RBFOX1: variants seen among roughly 807,000 people sequenced by gnomAD.
RBFOX1 encodes RNA binding protein fox-1 homolog 1.
RBFOX1 carries 8 observed loss-of-function variants against 57.7 expected under a neutral mutation model. The ratio of observed to expected loss-of-function variants is 0.14; its 90% confidence interval spans 0.08 to 0.25. RBFOX1 has a LOEUF of 0.25. RBFOX1 is among the 10% of genes least tolerant of loss of function. RBFOX1 has a pLI of 1.00. For missense variants in RBFOX1, 611 were observed against 548.5 expected (o/e 1.11, Z -1.14); for synonymous variants, 326 against 222.4 (o/e 1.47, Z -4.15).
intron 3 of RBFOX1, among the ~76,000 whole-genome samples, chr16:6,810,440 A>C (rs1364524939): frequency 6.6e-6 from 1 of 152,148 alleles, no homozygotes; most frequent in Non-Finnish European, 1.5e-5. Flanking sequence ...GATGACTAAA[A>C]AGATGGCGAC....
chr16:6,162,595 A>G (rs896979810), intron 1 of RBFOX1, among the ~76,000 whole-genome samples: 1 of 152,196 alleles, frequency 6.6e-6, no homozygotes, highest in Non-Finnish European at 1.5e-5. Context: ...TCACCCAACA[A>G]CAGTGGTAAC....
intron 4 of RBFOX1, among the ~76,000 whole-genome samples, chr16:7,450,545 T>C (rs2098843942): frequency 6.6e-6 from 1 of 152,048 alleles, no homozygotes; most frequent in African/African-American, 2.4e-5. Flanking sequence ...CAGATGAAGA[T>C]ACTATGGCCC....
At chr16:7,203,913 A>G (rs1386337691) in intron 4 of RBFOX1, among the ~76,000 whole-genome samples, 1 of 152,254 alleles carries the variant, frequency 6.6e-6, no homozygotes, top group Non-Finnish European at 1.5e-5. Flanking sequence ...CAAGAAGGAC[A>G]GGTGCACATT....
At position 6,086,670 on chromosome 16, in the gene RBFOX1, C is replaced by T. The variant is rs180741124; in HGVS notation, c.-127+66678C>T. On this transcript the variant is annotated intron_variant, in intron 1 of 15. Transcript: ENST00000550418. ...ATATCAGGGAGATGATTTACTGTTT[C>T]TCAATAAAAGATGGAGTTTTGAAGA... Among the ~76,000 whole-genome samples, 11 of 152,232 alleles carry T rather than the reference C, an allele frequency of 7.2e-5. No individual in the cohort carries two copies. In the East Asian group the frequency reaches 2.1e-3, roughly 29 times the overall value.
intron 3 of RBFOX1, among the ~76,000 whole-genome samples, chr16:6,813,618 C>A (rs1169180891): frequency 1.3e-5 from 2 of 152,174 alleles, no homozygotes; most frequent in Admixed American, 6.5e-5. Context: ...GGCTCAAAAT[C>A]AATCTGAAGA....
At chr16:5,956,963 C>T (rs1350724263) in intron 4 of RBFOX1, among the ~76,000 whole-genome samples, 1 of 151,880 alleles carries the variant, frequency 6.6e-6, no homozygotes, top group Non-Finnish European at 1.5e-5. Context: ...AGCCACTGCG[C>T]CCAGCCTGCA....
intron 3 of RBFOX1, among the ~76,000 whole-genome samples, chr16:6,697,236 G>A (rs1217833831): frequency 6.6e-6 from 1 of 152,170 alleles, no homozygotes; most frequent in Non-Finnish European, 1.5e-5. Context: ...GGTAGCTGCA[G>A]TAGTGGACCA....
intron 2 of RBFOX1, among the ~76,000 whole-genome samples, chr16:5,525,779 T>G (rs1251613276): frequency 1.3e-5 from 2 of 152,052 alleles, no homozygotes; most frequent in African/African-American, 4.8e-5. Context: ...AATACAGGGG[T>G]GAGCCACTGT....
chr16:7,120,751 C>G (rs747953609), intron 4 of RBFOX1, among the ~76,000 whole-genome samples: 66 of 146,474 alleles, frequency 4.5e-4, no homozygotes, highest in Non-Finnish European at 6.1e-4. Context: ...GGAAGATATA[C>G]TTCTCAACTC....
chr16:6,771,108 C>G (rs898572620), intron 3 of RBFOX1, among the ~76,000 whole-genome samples: 1 of 152,036 alleles, frequency 6.6e-6, no homozygotes, highest in Non-Finnish European at 1.5e-5. Flanking sequence ...AAGAAAAAAT[C>G]AGAACCCAGA....
At chr16:6,723,508 A>T (rs987933844) in intron 3 of RBFOX1, among the ~76,000 whole-genome samples, 9 of 152,154 alleles carry the variant, frequency 5.9e-5, no homozygotes, top group African/African-American at 2.2e-4. Flanking sequence ...ACAATTATAG[A>T]TTGTGTTTGT....
chr16:6,610,623 C>A (rs115857193), intron 2 of RBFOX1, among the ~76,000 whole-genome samples: 1,700 of 152,242 alleles, frequency 0.011, 33 homozygotes, highest in African/African-American at 0.038. Context: ...AACTACTACA[C>A]CCCACCCGAT....
At chr16:6,743,585 T>A (rs967705198) in intron 3 of RBFOX1, among the ~76,000 whole-genome samples, 1 of 151,592 alleles carries the variant, frequency 6.6e-6, no homozygotes. Flanking sequence ...GTACAAAAAA[T>A]TTAAAAATTG....
At chr16:5,843,213 G>A (rs1319433686) in intron 3 of RBFOX1, among the ~76,000 whole-genome samples, 1 of 152,134 alleles carries the variant, frequency 6.6e-6, no homozygotes, top group Non-Finnish European at 1.5e-5. Context: ...TCAGGGGTTT[G>A]TTTTACAGAT....
At chr16:5,807,210 C>A (rs147773982) in intron 3 of RBFOX1, among the ~76,000 whole-genome samples, 3 of 152,192 alleles carry the variant, frequency 2.0e-5, no homozygotes, top group African/African-American at 7.2e-5. Flanking sequence ...TCCCTATTGT[C>A]CTGGGCAGTA....
chr16:5,403,128 A>G (rs965209549), intron 1 of RBFOX1, among the ~76,000 whole-genome samples: 1 of 152,086 alleles, frequency 6.6e-6, no homozygotes, highest in Non-Finnish European at 1.5e-5. Context: ...AGGCAGGCGG[A>G]TCACCTGAGG....
At chr16:6,627,795 G>T (rs1159675545) in intron 2 of RBFOX1, among the ~76,000 whole-genome samples, 1 of 152,156 alleles carries the variant, frequency 6.6e-6, no homozygotes, top group Non-Finnish European at 1.5e-5. Flanking sequence ...ATAAAATGCT[G>T]TGTGTGCCCT....
At chr16:6,662,671 A>C (rs1398578714) in intron 3 of RBFOX1, among the ~76,000 whole-genome samples, 2 of 152,142 alleles carry the variant, frequency 1.3e-5, no homozygotes, top group East Asian at 1.9e-4. Context: ...AAGAAAAAAA[A>C]CCTAAAAGAC....
intron 5 of RBFOX1, among the ~76,000 whole-genome samples, chr16:7,554,183 GT>G (rs770005400): frequency 2.0e-5 from 3 of 152,168 alleles, no homozygotes; most frequent in Non-Finnish European, 4.4e-5. Flanking sequence ...AAAACTAACA[GT>G]TTCAATTTAA....
Sources: gnomAD v4.1 joint callset for allele counts (sites outside exome capture counted in the v4.1 genomes callset) on GRCh38, gnomAD v4.1.1 for gene constraint, MANE v1.5 for transcripts, NCBI Gene and HGNC (gene_info 2026-07-23, HGNC 2026-07-21) for gene names.